The following PARD3 variants were observed in gnomAD, a reference collection of about 807,000 sequenced individuals.
The protein encoded by PARD3 is par-3 family cell polarity regulator.
A neutral mutation model predicts 155.4 loss-of-function variants in PARD3; 75 were observed. The ratio of observed to expected loss-of-function variants is 0.48; its 90% CI spans 0.40 to 0.58. The LOEUF (loss-of-function observed/expected upper bound fraction) is 0.58. PARD3 is among the 20% of genes least tolerant of loss of function. PARD3 has a pLI of 0.00. For missense variants in PARD3, 1,642 were observed against 1,721.7 expected (o/e 0.95, Z 0.82); for synonymous variants, 576 against 610.5 (o/e 0.94, Z 0.83).
chr10:34,197,367 G>A (rs150684341), intron 22 of PARD3, among the ~76,000 whole-genome samples: 9 of 152,194 alleles, frequency 5.9e-5, no homozygotes, highest in East Asian at 1.9e-4. Context: ...TTTTGTCCAC[G>A]AACTCCTAGT....
intron 12 of PARD3, 47 bp downstream of exon 12, chr10:34,372,451 T>G (rs779424019): frequency 7.1e-7 from 1 of 1,410,058 alleles, no homozygotes; most frequent in Non-Finnish European, 1.0e-6. Flanking sequence ...GTTAGTTCCA[T>G]GTATCTTTCC....
At chr10:34,301,818 C>CTTT (rs5784408) in intron 20 of PARD3, among the ~76,000 whole-genome samples, 4,584 of 125,744 alleles carry the variant, frequency 0.036, 208 homozygotes, top group African/African-American at 0.095. Context: ...TTTCTCCTTT[C>CTTT]TTTTTTTTTT....
intron 2 of PARD3, among the ~76,000 whole-genome samples, chr10:34,543,129 A>G (rs1424865787): frequency 6.6e-6 from 1 of 151,944 alleles, no homozygotes; most frequent in East Asian, 1.9e-4. Context: ...GGGGAAAAAA[A>G]AGCAATTAGC....
chr10:34,454,720 G>A (rs975881245), intron 4 of PARD3, among the ~76,000 whole-genome samples: 2 of 152,100 alleles, frequency 1.3e-5, no homozygotes, highest in African/African-American at 4.8e-5. Flanking sequence ...TGTGCGAGGT[G>A]GGAAATTTTC....
In PARD3 at chr10:34,119,696, G is replaced by C; in HGVS notation, c.3585C>G (p.Ser1195=). Reference sequence around the variant, plus strand: ...GCTGCCGCTGCATCTGCACCTCCACGGACACCGAGTGTCGCCCGCTCTGCG... The same window carrying C: ...GCTGCCGCTGCATCTGCACCTCCACCGACACCGAGTGTCGCCCGCTCTGCG... The part of the protein sequence containing the change: ...PATQSGRHSV[S]VEVQMQRQRQ... The change falls in exon 24 of 25, where the codon TCC becomes TCG. Residue 1195 remains serine, a synonymous_variant. Coordinates refer to ENST00000374788, the MANE Select transcript of PARD3 (RefSeq NM_001184785.2). 6.2e-7 allele frequency: 1 copy of C among 1,612,936 alleles called. No homozygotes were observed. Among genetic ancestry groups the C allele is most frequent in the Non-Finnish European group, 8.5e-7 (1 of 1,179,648 alleles).
At chr10:34,732,352 C>A (rs1168889906) in intron 1 of PARD3, among the ~76,000 whole-genome samples, 10 of 152,222 alleles carry the variant, frequency 6.6e-5, no homozygotes, top group Admixed American at 5.9e-4. Flanking sequence ...CCACCCCCAC[C>A]CATACAAATT....
Position 34,418,567 on chromosome 10 carries a change from A to T in PARD3, c.715-16650T>A, listed in dbSNP as rs186427416. Among the ~76,000 whole-genome samples the T allele has an allele frequency of 5.8e-4, 88 of 152,332 alleles. No individual in the cohort carries two copies. In the Middle Eastern group the frequency reaches 0.01, roughly 18 times the overall value. ...CTTAATCTTTTATCTCACAAACATG[A>T]GCAAATAAACTACAGGTCTACTTCA... On this transcript the variant is annotated intron_variant, in intron 5 of 24. Coordinates refer to ENST00000374788, the MANE Select transcript of PARD3 (RefSeq NM_001184785.2).
chr10:34,197,818 C>T (rs968402450), intron 22 of PARD3, among the ~76,000 whole-genome samples: 2 of 152,202 alleles, frequency 1.3e-5, no homozygotes, highest in South Asian at 4.1e-4. Flanking sequence ...CAACCTCTGC[C>T]TCCCAGGTTC....
chr10:34,619,287 T>C (rs2091468116), intron 2 of PARD3, among the ~76,000 whole-genome samples: 1 of 152,026 alleles, frequency 6.6e-6, no homozygotes, highest in African/African-American at 2.4e-5. Context: ...TGACCTCAAG[T>C]GATCTGTCCG....
intron 2 of PARD3, among the ~76,000 whole-genome samples, chr10:34,684,363 T>G (rs912144480): frequency 6.6e-6 from 1 of 152,198 alleles, no homozygotes; most frequent in African/African-American, 2.4e-5. Context: ...AAACTGACTT[T>G]TCACAGATTT....
intron 2 of PARD3, among the ~76,000 whole-genome samples, chr10:34,614,590 G>T (rs1429055400): frequency 6.6e-6 from 1 of 152,084 alleles, no homozygotes; most frequent in Non-Finnish European, 1.5e-5. Flanking sequence ...AAATATAAAT[G>T]TCTACATATA....
At chr10:34,219,168 G>A (rs754418561) in intron 22 of PARD3, among the ~76,000 whole-genome samples, 3 of 152,088 alleles carry the variant, frequency 2.0e-5, no homozygotes, top group African/African-American at 4.8e-5. Flanking sequence ...CCATTTTCTG[G>A]AGTTCTCAAT....
chr10:34,658,295 T>C (rs988214447), intron 2 of PARD3, among the ~76,000 whole-genome samples: 2 of 152,210 alleles, frequency 1.3e-5, no homozygotes, highest in Non-Finnish European at 2.9e-5. Flanking sequence ...TTAGAATAAA[T>C]TCAATTTGCT....
chr10:34,137,423 C>T (rs1366604196), intron 22 of PARD3, among the ~76,000 whole-genome samples: 1 of 152,180 alleles, frequency 6.6e-6, no homozygotes, highest in Non-Finnish European at 1.5e-5. Flanking sequence ...TGGCTGACTC[C>T]TTGATTGCAC....
intron 1 of PARD3, among the ~76,000 whole-genome samples, chr10:34,733,546 C>T (rs769803253): frequency 1.2e-4 from 19 of 152,186 alleles, no homozygotes; most frequent in African/African-American, 2.7e-4. Context: ...TGCAGTGGCA[C>T]CATCTCGGCT....
At chr10:34,124,283 A>C (rs1947160788) in intron 23 of PARD3, among the ~76,000 whole-genome samples, 1 of 152,330 alleles carries the variant, frequency 6.6e-6, no homozygotes, top group East Asian at 1.9e-4. Flanking sequence ...GCTGATGACA[A>C]AAAGACTAAT....
rs1233369330 is a variant in PARD3, at chr10:34,380,826, A to C, written c.1399+1714T>G. ...TATCTTTATGACAATGGTGAAGCAA[A>C]ATACTGTACCTTTGTTTAGAGATAT... On this transcript the variant is annotated intron_variant, in intron 9 of 24. Coordinates refer to ENST00000374788, the MANE Select transcript of PARD3 (RefSeq NM_001184785.2). 1.3e-5 allele frequency among the ~76,000 whole-genome samples: 2 copies of C among 152,184 alleles called. 1 individual carries two copies.
At chr10:34,611,912 C>G (rs1156689183) in intron 2 of PARD3, among the ~76,000 whole-genome samples, 2 of 144,140 alleles carry the variant, frequency 1.4e-5, no homozygotes. Context: ...CAGGTTCACA[C>G]CATTCCCCTG....
chr10:34,680,030 A>G (rs571388630), intron 2 of PARD3, among the ~76,000 whole-genome samples: 2 of 152,286 alleles, frequency 1.3e-5, no homozygotes, highest in Admixed American at 1.3e-4. Context: ...AGACTCCACC[A>G]CTACCCAATA....
Sources: gnomAD v4.1 joint callset for allele counts (sites outside exome capture counted in the v4.1 genomes callset) on GRCh38, gnomAD v4.1.1 for gene constraint, MANE v1.5 for transcripts, NCBI Gene and HGNC (gene_info 2026-07-23, HGNC 2026-07-21) for gene names.